NBEAL1: variants seen among roughly 807,000 people sequenced by gnomAD.
NBEAL1 encodes neurobeachin-like protein 1.
In NBEAL1, 273 loss-of-function variants were observed where a neutral mutation model predicts 351.3. That is an observed-to-expected ratio of 0.78 (90% CI 0.70 to 0.86). NBEAL1 has a LOEUF of 0.86. Among genes scored for constraint, NBEAL1 ranks in the 40% least tolerant of loss-of-function variants. The pLI is 0.00. For missense variants in NBEAL1, 2,961 were observed against 3,201.3 expected, an observed-to-expected ratio of 0.92 and a Z score of 1.81; for synonymous variants, 1,050 against 1,086.4, an observed-to-expected ratio of 0.97 and a Z score of 0.66.
At chr2:203,107,267 CAT>C (rs1207302026) in intron 12 of NBEAL1, among the ~76,000 whole-genome samples, 151 bp from the exon 13 acceptor site, 1 of 152,050 alleles carries the variant, frequency 6.6e-6, no homozygotes, top group Non-Finnish European at 1.5e-5. Flanking sequence ...AAAATGAAGA[CAT>C]GATTTAAGAA....
In NBEAL1 at chr2:203,062,817, G is replaced by A. The variant is rs549415952; in HGVS notation, c.515+5364G>A. On this transcript the variant is annotated intron_variant, in intron 6 of 55. Coordinates refer to ENST00000683969, the MANE Select transcript of NBEAL1 (RefSeq NM_001378026.1). The surrounding 1 kb of genome is among the most constrained non-coding windows in gnomAD (Gnocchi z 4.2). ...TGGATTTCTTTGACTTTGACAGGGA[G>A]ATTAAAAAATGGAATTAGGAGAAAT... Among the ~76,000 whole-genome samples the A allele has an allele frequency of 5.9e-4, 90 of 152,140 alleles. No homozygotes were observed. The highest frequency in any genetic ancestry group is 2.0e-3 in the African/African-American group (84 of 41,504).
At position 203,062,080 on chromosome 2, in the gene NBEAL1, C is replaced by T; in HGVS notation, c.515+4627C>T. 5.5e-6 allele frequency: 2 copies of T among 362,234 alleles called. No homozygotes were observed. The highest frequency in any genetic ancestry group is 4.2e-5 in the South Asian group (2 of 47,736). The allele number at this position is 362,234 out of a possible 1,614,324, so 22.4% of individuals were successfully genotyped here. A position where few individuals can be genotyped will look rare whatever the true frequency, so the allele number is the denominator to read the frequency against. On this transcript the variant is annotated intron_variant, in intron 6 of 55. Transcript: ENST00000683969. The surrounding 1 kb of genome is among the most constrained non-coding windows in gnomAD (Gnocchi z 4.2). ...AGATGCATGACATATGAAGACTTTT[C>T]CACACATTCTGCATACACATGGTTT...
chr2:203,043,642 T>C (rs1025119022), intron 3 of NBEAL1, among the ~76,000 whole-genome samples: 20 of 150,692 alleles, frequency 1.3e-4, no homozygotes, highest in African/African-American at 4.2e-4. Flanking sequence ...GGTGGGAGGA[T>C]CAATTTGGCC....
chr2:203,190,260 C>T (rs781039372), intron 45 of NBEAL1, 32 bp from the exon 46 acceptor site: 1 of 1,503,828 alleles, frequency 6.6e-7, no homozygotes, highest in Non-Finnish European at 9.1e-7. Flanking sequence ...TTTGTTTTCA[C>T]TCTATAGTAA....
At chr2:203,071,143 T>A (rs2061675518) in intron 7 of NBEAL1, among the ~76,000 whole-genome samples, 1 of 152,236 alleles carries the variant, frequency 6.6e-6, no homozygotes, top group South Asian at 2.1e-4. Context: ...TTTTTTGCCT[T>A]ATATGTCTTG....
chr2:203,094,375 G>T (rs546979482), intron 10 of NBEAL1, among the ~76,000 whole-genome samples: 1 of 152,086 alleles, frequency 6.6e-6, no homozygotes, highest in African/African-American at 2.4e-5. Flanking sequence ...AGATGTCCAC[G>T]ATTACTTTTT....
At chr2:203,215,341 A>C (rs945274300) in intron 55 of NBEAL1, among the ~76,000 whole-genome samples, 4 of 152,154 alleles carry the variant, frequency 2.6e-5, no homozygotes, top group Non-Finnish European at 5.9e-5. Flanking sequence ...TCTACTAAAA[A>C]TACAAAAAAA....
chr2:203,039,508 A>G lies in NBEAL1; in HGVS notation c.52-2257A>G, dbSNP rs374787392. Among the ~76,000 whole-genome samples, 8 of 146,614 alleles carry G rather than the reference A, an allele frequency of 5.5e-5. 3 individuals carry two copies. The highest frequency in any genetic ancestry group is 1.4e-4 in the Admixed American group (2 of 14,436). On this transcript the variant is annotated intron_variant, in intron 2 of 55. Transcript: ENST00000683969. ...AACCTCCGCCTCCTGGGTTCAAGCA[A>G]TTCTCATGCCTCAGCCCCCCGACTA...
chr2:203,030,040 G>A (rs138751871), intron 2 of NBEAL1, among the ~76,000 whole-genome samples: 8 of 152,228 alleles, frequency 5.3e-5, no homozygotes, highest in South Asian at 4.1e-4. Context: ...AGGTAGCATC[G>A]ATCAAGGTTT....
At position 203,144,917 on chromosome 2, in the gene NBEAL1, C is replaced by G. The variant is rs1559402620; in HGVS notation, c.5154+12C>G. The G allele has an allele frequency of 1.3e-6, 2 of 1,553,140 alleles. No individual in the cohort carries two copies. On this transcript the variant is annotated intron_variant, in intron 32 of 55. Transcript: ENST00000683969. Reference sequence around the variant, plus strand: ...ACATTGAAAAATATGTAAGTTTTATCTTTTTTGATCAAGATTTTTCTGCTA... The same window carrying G: ...ACATTGAAAAATATGTAAGTTTTATGTTTTTTGATCAAGATTTTTCTGCTA...
chr2:203,054,116 A>G (rs62182172), intron 4 of NBEAL1, among the ~76,000 whole-genome samples: 47,716 of 151,820 alleles, frequency 0.31, 8,095 homozygotes, highest in East Asian at 0.61. Context: ...TGCCTGGCCA[A>G]TTGTTTTAAA....
At chr2:203,215,817 C>T (rs544024829) in intron 55 of NBEAL1, among the ~76,000 whole-genome samples, 9 of 152,034 alleles carry the variant, frequency 5.9e-5, no homozygotes, top group Non-Finnish European at 1.2e-4. Flanking sequence ...TTGAGACCAG[C>T]CTGGGCAACA....
At chr2:203,184,659 T>C (rs975249428) in intron 44 of NBEAL1, among the ~76,000 whole-genome samples, 1 of 151,618 alleles carries the variant, frequency 6.6e-6, no homozygotes, top group Non-Finnish European at 1.5e-5. Context: ...TCTATCATTA[T>C]ATATTTATAA....
rs2065939945 is a variant in NBEAL1 at position 203,220,245 on chromosome 2, G to T, written c.*2891G>T. On this transcript the variant is annotated 3_prime_UTR_variant, in exon 56 of 56. Coordinates refer to ENST00000683969, the MANE Select transcript of NBEAL1 (RefSeq NM_001378026.1). The stretch of plus-strand genomic sequence containing the variant: ...TCACGCCTATAATCCCAGCTCTTTG[G>T]GAGGCCGAGGTGGGCGGATCACAAG... Among the ~76,000 whole-genome samples, 1 of 152,108 alleles carries T rather than the reference G, an allele frequency of 6.6e-6. No homozygotes were observed. The highest frequency in any genetic ancestry group is 2.1e-4 in the South Asian group (1 of 4,822).
At chr2:203,204,364 G>T (rs1159105409) in intron 51 of NBEAL1, among the ~76,000 whole-genome samples, 1 of 136,754 alleles carries the variant, frequency 7.3e-6, no homozygotes. Flanking sequence ...TCAGTCTGTC[G>T]TCCATGCTGG....
At chr2:203,051,693 A>T (rs77021124) in intron 4 of NBEAL1, among the ~76,000 whole-genome samples, 5,385 of 152,138 alleles carry the variant, frequency 0.035, 306 homozygotes, top group African/African-American at 0.12. Context: ...TCAATTCATT[A>T]TGTTTAGATT....
chr2:203,152,376 G>A (rs897050233), intron 35 of NBEAL1, among the ~76,000 whole-genome samples: 3 of 150,210 alleles, frequency 2.0e-5, no homozygotes, highest in African/African-American at 7.3e-5. Context: ...ACTACTTGAG[G>A]TCAGGAGTTC....
chr2:203,075,735 AG>A (rs931616258), intron 7 of NBEAL1, among the ~76,000 whole-genome samples: 7 of 152,174 alleles, frequency 4.6e-5, no homozygotes, highest in Admixed American at 1.3e-4. Context: ...CTTTCCATGT[AG>A]CAGTTCAGAA....
At position 203,083,241 on chromosome 2, in the gene NBEAL1, C is replaced by T; in HGVS notation, c.707C>T (p.Ser236Phe). The change falls in exon 9 of 56, where the codon TCT becomes TTT. Residue 236 changes from serine (S) to phenylalanine (F), a missense_variant. By Grantham distance (155) the Ser-to-Phe change is radical (BLOSUM62 -2). Coordinates refer to ENST00000683969, the MANE Select transcript of NBEAL1 (RefSeq NM_001378026.1). ...GGQRNALQAI[S>F]PATMEVLMRV... The stretch of plus-strand genomic sequence containing the variant: ...CAGAGGAATGCTTTGCAAGCAATTT[C>T]TCCAGCCACTATGGAAGTTCTTATG... The T allele has an allele frequency of 6.4e-7, 1 of 1,551,290 alleles. No individual in the cohort carries two copies. The highest frequency in any genetic ancestry group is 8.7e-7 in the Non-Finnish European group (1 of 1,146,716).
Sources: gnomAD v4.1 joint callset for allele counts (sites outside exome capture counted in the v4.1 genomes callset) on GRCh38, gnomAD v4.1.1 for gene constraint, Gnocchi (gnomAD v3.1) non-coding constraint, MANE v1.5 for transcripts, NCBI Gene and HGNC (gene_info 2026-07-23, HGNC 2026-07-21) for gene names.